KAZN: variants seen among roughly 807,000 people sequenced by gnomAD.
KAZN encodes the protein kazrin.
Under a neutral mutation model 87.4 loss-of-function variants are expected in KAZN, and 40 were observed. The observed-to-expected ratio is 0.46, with a 90% CI of 0.36 to 0.60. KAZN has a LOEUF of 0.60. Among genes scored for constraint, KAZN ranks in the 20% least tolerant of loss-of-function variants. KAZN has a pLI of 0.00. For synonymous variants in KAZN, 466 were observed against 458.3 expected (o/e 1.02, Z -0.22); for missense variants, 898 against 1,073.9 (o/e 0.84, Z 2.29).
At chr1:13,908,969 A>G (rs1420375184) in intron 1 of KAZN, among the ~76,000 whole-genome samples, 2 of 152,214 alleles carry the variant, frequency 1.3e-5, no homozygotes, top group African/African-American at 4.8e-5. Context: ...TTGTTTTCGC[A>G]AAGCAGCAGA....
At chr1:14,504,942 A>G (rs1387980643) in intron 2 of KAZN, among the ~76,000 whole-genome samples, 1 of 152,218 alleles carries the variant, frequency 6.6e-6, no homozygotes, top group Non-Finnish European at 1.5e-5. Context: ...CCTGATTAGA[A>G]GGTTACAGGG....
At position 14,790,635 on chromosome 1, in the gene KAZN, A is replaced by G. The variant is rs146108907; in HGVS notation, c.227-170049A>G. The stretch of plus-strand genomic sequence containing the variant: ...GGAAGTCATTCAAGCAATTTTCACA[A>G]AGTTGTCCAATCCAAGTCCCGCCAG... On this transcript the variant is annotated intron_variant, in intron 1 of 14. Coordinates refer to ENST00000376030, the MANE Select transcript of KAZN (RefSeq NM_201628.3). Among the ~76,000 whole-genome samples the G allele has an allele frequency of 2.7e-3, 418 of 152,226 alleles. 2 individuals are homozygous for G. The highest frequency in any genetic ancestry group is 9.4e-3 in the African/African-American group (391 of 41,526).
intron 1 of KAZN, among the ~76,000 whole-genome samples, chr1:14,858,203 C>CT (rs1388659468): frequency 9.4e-4 from 89 of 95,074 alleles, no homozygotes; most frequent in African/African-American, 4.6e-3. Flanking sequence ...TTTCTTTTTT[C>CT]TTTTTCTTTT....
At chr1:14,826,599 G>A (rs935135875) in intron 1 of KAZN, among the ~76,000 whole-genome samples, 5 of 152,134 alleles carry the variant, frequency 3.3e-5, no homozygotes, top group East Asian at 1.9e-4. Context: ...CGCGCTGGCC[G>A]TTTCCCTCCC....
At chr1:13,932,185 A>C (rs1640543878) in intron 1 of KAZN, among the ~76,000 whole-genome samples, 2 of 151,770 alleles carry the variant, frequency 1.3e-5, no homozygotes. Flanking sequence ...ACTCATATAT[A>C]CAAGAAGGAA....
At chr1:14,673,131 A>G (rs766072346) in intron 1 of KAZN, among the ~76,000 whole-genome samples, 1 of 152,248 alleles carries the variant, frequency 6.6e-6, no homozygotes, top group Non-Finnish European at 1.5e-5. Flanking sequence ...TTGGTACATT[A>G]TATCACAGCT....
At chr1:14,072,512 AG>A (rs1643286764) in intron 1 of KAZN, among the ~76,000 whole-genome samples, 1 of 152,194 alleles carries the variant, frequency 6.6e-6, no homozygotes, top group African/African-American at 2.4e-5. Flanking sequence ...CTACCTATAA[AG>A]GGGGCTAATA....
At chr1:14,992,810 A>G (rs1047172506) in intron 2 of KAZN, among the ~76,000 whole-genome samples, 1 of 151,612 alleles carries the variant, frequency 6.6e-6, no homozygotes, top group African/African-American at 2.4e-5. Context: ...CGCCCAGATA[A>G]TTTTTGTATT....
intron 1 of KAZN, among the ~76,000 whole-genome samples, chr1:14,876,561 C>A (rs1310156034): frequency 6.6e-6 from 1 of 152,154 alleles, no homozygotes; most frequent in Non-Finnish European, 1.5e-5. Flanking sequence ...GGGTCTGGAG[C>A]TGGACTGCCT....
At chr1:13,992,270 T>C (rs1330850862) in intron 1 of KAZN, among the ~76,000 whole-genome samples, 1 of 151,866 alleles carries the variant, frequency 6.6e-6, no homozygotes, top group Non-Finnish European at 1.5e-5. Context: ...GATCCATAAA[T>C]GTTGCTGAAT....
At chr1:14,168,004 C>T (rs889214305) in intron 1 of KAZN, among the ~76,000 whole-genome samples, 2 of 152,152 alleles carry the variant, frequency 1.3e-5, no homozygotes, top group African/African-American at 4.8e-5. Context: ...ATGGCAAGCA[C>T]GTCCCATCAG....
At chr1:14,792,832 T>C (rs1465069211) in intron 1 of KAZN, among the ~76,000 whole-genome samples, 1 of 151,978 alleles carries the variant, frequency 6.6e-6, no homozygotes, top group Non-Finnish European at 1.5e-5. Flanking sequence ...AAAAATTAGC[T>C]GGGCGTGGTG....
At chr1:14,739,331 G>A (rs1483230741) in intron 1 of KAZN, among the ~76,000 whole-genome samples, 2 of 152,144 alleles carry the variant, frequency 1.3e-5, no homozygotes, top group African/African-American at 4.8e-5. Flanking sequence ...AGAAGCTATT[G>A]GAGTGGATGG....
At chr1:14,715,676 T>A (rs1192313960) in intron 1 of KAZN, among the ~76,000 whole-genome samples, 1 of 152,192 alleles carries the variant, frequency 6.6e-6, no homozygotes, top group African/African-American at 2.4e-5. Flanking sequence ...TATTTTTCCT[T>A]TACCCTGAAA....
intron 1 of KAZN, among the ~76,000 whole-genome samples, chr1:14,004,854 TG>T (rs2101159797): frequency 6.6e-6 from 1 of 152,246 alleles, no homozygotes; most frequent in Non-Finnish European, 1.5e-5. Flanking sequence ...AATGAATTAA[TG>T]GGTTATCACG....
At chr1:14,092,503 G>T (rs1644022705) in intron 1 of KAZN, among the ~76,000 whole-genome samples, 2 of 149,834 alleles carry the variant, frequency 1.3e-5, no homozygotes, top group Admixed American at 6.6e-5. Flanking sequence ...ATTTTCACAT[G>T]TGTACCACTG....
chr1:14,405,160 G>A (rs1259196060), intron 2 of KAZN, among the ~76,000 whole-genome samples: 1 of 152,094 alleles, frequency 6.6e-6, no homozygotes, highest in Non-Finnish European at 1.5e-5. Flanking sequence ...GCAGACCAAG[G>A]CTATGTGTTG....
At chr1:14,924,348 C>G (rs1318829789) in intron 1 of KAZN, 4 of 988,128 alleles carry the variant, frequency 4.0e-6, no homozygotes, top group Non-Finnish European at 4.8e-6. Context: ...CTGGTAGCGT[C>G]CCCCCGGGCA....
rs77575788 is a variant in KAZN, at chr1:14,626,835, T to C, written c.226+27612T>C. ...TTTCCAGACTTCTCAAGGTTGTTCA[T>C]GCTGCTTGCGGCCCTGTTCCCTGCT... On this transcript the variant is annotated intron_variant, in intron 1 of 14. Transcript: ENST00000376030. Among the ~76,000 whole-genome samples, 42 of 152,308 alleles carry C rather than the reference T, an allele frequency of 2.8e-4. No homozygotes were observed. In the East Asian group the frequency reaches 8.1e-3, roughly 29 times the overall value.
Sources: allele counts gnomAD v4.1 joint callset (sites outside exome capture counted in the v4.1 genomes callset), GRCh38; gene constraint gnomAD v4.1.1; transcripts MANE v1.5; gene names NCBI Gene and HGNC (gene_info 2026-07-23, HGNC 2026-07-21).